Variants in DMD observed in about 807,000 individuals in gnomAD.
DMD encodes dystrophin, also known as mutant dystrophin.
A neutral mutation model predicts 330.1 loss-of-function variants in DMD; 63 were observed. The ratio of observed to expected loss-of-function variants is 0.19; its 90% CI spans 0.16 to 0.24. The LOEUF is 0.24. DMD is among the 10% of genes least tolerant of loss of function. The pLI, the probability that DMD is intolerant of heterozygous loss-of-function variation, is 1.00. For missense variants in DMD, 3,344 were observed against 2,684.1 expected (o/e 1.25, Z -5.43); for synonymous variants, 1,223 against 959.8 (o/e 1.27, Z -5.07).
chrX:32,286,045 A>G (rs766026991), intron 43 of DMD, among the ~76,000 whole-genome samples: 2 of 111,022 alleles, frequency 1.8e-5, no homozygotes, highest in African/African-American at 6.5e-5. Flanking sequence ...CAAAGGGGAA[A>G]TATTCTCAGG....
Position 32,365,303 on chromosome X carries a change from T to C in DMD, c.4846-104A>G, listed in dbSNP as rs2097850753. 4.4e-5 allele frequency: 34 copies of C among 775,275 alleles called. 1 individual carries two copies. In the South Asian group the frequency reaches 7.8e-4, roughly 18 times the overall value. The allele number at this position is 775,275 out of a possible 1,213,427, so 63.9% of individuals were successfully genotyped here. On this transcript the variant is annotated intron_variant, in intron 34 of 78. Coordinates refer to ENST00000357033, the MANE Select transcript of DMD (RefSeq NM_004006.3). The stretch of plus-strand genomic sequence containing the variant: ...TGGTTACTATGATTCTGCAAGGTTT[T>C]AAACCTATAACTATGTATTAATGAA...
chrX:32,917,624 GA>G (rs1569542306), intron 2 of DMD, among the ~76,000 whole-genome samples: 1 of 111,300 alleles, frequency 9.0e-6, no homozygotes, highest in Admixed American at 9.5e-5. Context: ...CACTTCTGGG[GA>G]AAAAAAGAGA....
At chrX:32,990,324 A>T (rs1483637562) in intron 2 of DMD, among the ~76,000 whole-genome samples, 1 of 112,013 alleles carries the variant, frequency 8.9e-6, no homozygotes, top group East Asian at 2.8e-4. Flanking sequence ...GTCTCCTGAA[A>T]TAATAATAGG....
chrX:31,687,247 G>T (rs1387936345), intron 52 of DMD, among the ~76,000 whole-genome samples: 1 of 110,942 alleles, frequency 9.0e-6, no homozygotes, highest in Non-Finnish European at 1.9e-5. Context: ...CAGCTGTGGT[G>T]GTTATGGTGA....
intron 7 of DMD, among the ~76,000 whole-genome samples, chrX:32,774,555 A>T (rs1275528082): frequency 1.8e-5 from 2 of 111,134 alleles, no homozygotes; most frequent in East Asian, 5.7e-4. Flanking sequence ...TGAAAGGCAA[A>T]GGGGAAGCAA....
rs756639101 is a variant in DMD, at chrX:31,625,929, C to A, written c.8217+1744G>T. On this transcript the variant is annotated intron_variant, in intron 55 of 78. Coordinates refer to ENST00000357033, the MANE Select transcript of DMD (RefSeq NM_004006.3). The stretch of plus-strand genomic sequence containing the variant: ...TAGACTAAAATAGACTTAATCAAAG[C>A]TTATTATTTACCTACCATAGCTGAT... Among the ~76,000 whole-genome samples, 69 of 111,633 alleles carry A rather than the reference C, an allele frequency of 6.2e-4. 1 individual carries two copies. The highest frequency in any genetic ancestry group is 2.2e-3 in the African/African-American group (69 of 30,782).
At chrX:31,361,499 T>G (rs949538422) in intron 60 of DMD, among the ~76,000 whole-genome samples, 3 of 111,475 alleles carry the variant, frequency 2.7e-5, no homozygotes, top group Non-Finnish European at 5.6e-5. Flanking sequence ...GGGCAATATG[T>G]ATTTTTGGAA....
intron 13 of DMD, among the ~76,000 whole-genome samples, chrX:32,588,417 C>G (rs1303816982): frequency 9.0e-6 from 1 of 111,267 alleles, no homozygotes; most frequent in Non-Finnish European, 1.9e-5. Context: ...CTGTTTAAAC[C>G]CGGTGGTATG....
intron 7 of DMD, among the ~76,000 whole-genome samples, chrX:32,764,957 G>GT (rs35691071): frequency 0.01 from 924 of 91,889 alleles, 7 homozygotes; most frequent in East Asian, 0.061. Flanking sequence ...TATTTTCTGG[G>GT]TTTTTTTTTT....
intron 52 of DMD, among the ~76,000 whole-genome samples, chrX:31,718,653 C>G (rs1043240081): frequency 1.8e-5 from 2 of 110,953 alleles, no homozygotes; most frequent in Non-Finnish European, 3.8e-5. Flanking sequence ...GAGGATACAG[C>G]AAGAAGAAGG....
rs794727380 is a variant in DMD at position 32,468,559 on chromosome X, G to A, written c.3101C>T (p.Ser1034Phe). The A allele has an allele frequency of 2.5e-6, 3 of 1,208,555 alleles. No individual in the cohort carries two copies. Among genetic ancestry groups the A allele is most frequent in the African/African-American group, 3.5e-5 (2 of 57,059 alleles). ...EIEGRWKKLS[S>F]QLVEHCQKLE... ...CTTTTGACAATGCTCAACCAGCTGG[G>A]AGGAGAGCTTCTTCCAGCGTCCCTC... Residue 1034 changes from serine (S) to phenylalanine (F), a missense_variant, in exon 23 of 79, where the codon TCC becomes TTC. Coordinates refer to ENST00000357033, the MANE Select transcript of DMD (RefSeq NM_004006.3).
At chrX:33,223,308 C>T (rs1356101470) in intron 1 of DMD, among the ~76,000 whole-genome samples, 1 of 111,504 alleles carries the variant, frequency 9.0e-6, no homozygotes, top group Non-Finnish European at 1.9e-5. Flanking sequence ...GAGGGAGACT[C>T]CATCTCAAAC....
At chrX:33,023,914 G>T (rs2093956274) in intron 1 of DMD, among the ~76,000 whole-genome samples, 2 of 111,655 alleles carry the variant, frequency 1.8e-5, no homozygotes, top group African/African-American at 6.5e-5. Context: ...CTTTTAGTCA[G>T]TGAATGGACA....
Position 31,560,516 on chromosome X carries a change from G to A in DMD, c.8218-53063C>T, listed in dbSNP as rs1355629219. ...ACAATGATCAGGGTGGTAGAATTCA[G>A]TGGGCCCACAAACTCCTTTGCAACT... is the stretch of plus-strand genomic sequence containing the variant. On this transcript the variant is annotated intron_variant, in intron 55 of 78. Coordinates refer to ENST00000357033, the MANE Select transcript of DMD (RefSeq NM_004006.3). Among the ~76,000 whole-genome samples, 3 of 111,700 alleles carry A rather than the reference G, an allele frequency of 2.7e-5. No individual in the cohort carries two copies. The East Asian group carries it at 8.5e-4, about 32-fold the overall frequency.
intron 48 of DMD, among the ~76,000 whole-genome samples, chrX:31,862,872 C>T (rs1432232955): frequency 8.9e-6 from 1 of 112,420 alleles, no homozygotes; most frequent in African/African-American, 3.2e-5. Flanking sequence ...GGAAGAGAGC[C>T]GGCCAGAAGA....
intron 9 of DMD, among the ~76,000 whole-genome samples, chrX:32,688,804 T>C (rs1229736372): frequency 8.9e-6 from 1 of 111,761 alleles, no homozygotes; most frequent in Non-Finnish European, 1.9e-5. Flanking sequence ...AAAATTCTTA[T>C]TTACATCAAA....
intron 2 of DMD, among the ~76,000 whole-genome samples, chrX:32,999,809 A>ACC (rs2093231236): frequency 9.1e-6 from 1 of 110,071 alleles, no homozygotes; most frequent in African/African-American, 3.3e-5. Context: ...CAAAAAACAA[A>ACC]AAAAAAACCG....
intron 1 of DMD, among the ~76,000 whole-genome samples, chrX:33,242,864 T>A (rs1014562099): frequency 1.8e-5 from 2 of 112,282 alleles, no homozygotes; most frequent in Non-Finnish European, 3.8e-5. Flanking sequence ...TGAGCATTTT[T>A]TCATATGTTT....
At chrX:32,212,540 T>C (rs2097097111) in intron 44 of DMD, among the ~76,000 whole-genome samples, 1 of 112,084 alleles carries the variant, frequency 8.9e-6, no homozygotes, top group Non-Finnish European at 1.9e-5. Context: ...TCTACAACTA[T>C]TAAGCTAAAG....
Sources: allele counts gnomAD v4.1 joint callset (sites outside exome capture counted in the v4.1 genomes callset), GRCh38; gene constraint gnomAD v4.1.1; transcripts MANE v1.5; gene names NCBI Gene and HGNC (gene_info 2026-07-23, HGNC 2026-07-21).